The following NODAL variants were observed in gnomAD, a reference collection of about 807,000 sequenced individuals.
The protein encoded by NODAL is nodal homolog.
In NODAL, 12 loss-of-function variants were observed where a neutral mutation model predicts 34.0. The ratio of observed to expected loss-of-function variants is 0.35; its 90% CI spans 0.23 to 0.57. The LOEUF (loss-of-function observed/expected upper bound fraction) is 0.57. NODAL is among the 20% of genes least tolerant of loss of function. The pLI is 0.83. For missense variants in NODAL, 390 were observed against 444.2 expected (o/e 0.88, Z 1.10); for synonymous variants, 162 against 186.4 (o/e 0.87, Z 1.07).
chr10:70,432,624 T>C lies in NODAL; in HGVS notation c.*312A>G, dbSNP rs987085287. ...ATACAGTTTCGGGGGGTTCACAGGT[T>C]TTTAAAAAATCCAGTAAAGAACTCA... is the stretch of plus-strand genomic sequence containing the variant. On this transcript the variant is annotated 3_prime_UTR_variant, in exon 3 of 3. Transcript: ENST00000287139. 1 of 409,726 alleles carries C rather than the reference T, an allele frequency of 2.4e-6. No individual in the cohort carries two copies. The highest frequency in any genetic ancestry group is 4.6e-6 in the Non-Finnish European group (1 of 217,380). 25.4% of individuals were successfully genotyped at this position (409,726 alleles called of 1,614,324 possible). A position where few individuals can be genotyped will look rare whatever the true frequency, so the allele number is the denominator to read the frequency against.
At chr10:70,439,510 A>C (rs917750097) in intron 1 of NODAL, among the ~76,000 whole-genome samples, 3 of 152,096 alleles carry the variant, frequency 2.0e-5, no homozygotes, top group African/African-American at 7.2e-5. Flanking sequence ...AAATCTCCTC[A>C]CTGTTCCTCT....
upstream of NODAL, among the ~76,000 whole-genome samples, chr10:70,443,685 C>CA (rs1156619266): frequency 6.6e-6 from 1 of 151,740 alleles, no homozygotes; most frequent in Non-Finnish European, 1.5e-5. Flanking sequence ...ACCAAAAATA[C>CA]AAAATTAGCT....
intron 1 of NODAL, among the ~76,000 whole-genome samples, chr10:70,438,908 G>A (rs1476848348): frequency 6.6e-6 from 1 of 152,190 alleles, no homozygotes; most frequent in Non-Finnish European, 1.5e-5. Flanking sequence ...GTGATTTTAA[G>A]GTGGGTATGA....
intron 1 of NODAL, among the ~76,000 whole-genome samples, chr10:70,437,051 G>A (rs1227131737): frequency 6.6e-6 from 1 of 152,154 alleles, no homozygotes; most frequent in African/African-American, 2.4e-5. Context: ...AACCCAAGCT[G>A]GATGACAAGG....
chr10:70,446,207 C>A (rs1209592396), upstream of NODAL, among the ~76,000 whole-genome samples: 1 of 152,164 alleles, frequency 6.6e-6, no homozygotes, highest in Non-Finnish European at 1.5e-5. Flanking sequence ...TGGGAGATAA[C>A]CTTTGAGGCC....
chr10:70,432,734 C>A lies in NODAL; in HGVS notation c.*202G>T. On this transcript the variant is annotated 3_prime_UTR_variant, in exon 3 of 3. Transcript: ENST00000287139. ...CTGCACAGGCTTCTTCCTCCCTCTTCCTGACAGCAGCCTCTGTGCTTGGCC... is the reference window on the plus strand; with the variant it reads ...CTGCACAGGCTTCTTCCTCCCTCTTACTGACAGCAGCCTCTGTGCTTGGCC... 3 of 631,132 alleles carry A rather than the reference C, an allele frequency of 4.8e-6. No homozygotes were observed. The highest frequency in any genetic ancestry group is 5.7e-6 in the Non-Finnish European group (2 of 352,740). 39.1% of individuals were successfully genotyped at this position (631,132 alleles called of 1,614,324 possible).
chr10:70,437,602 A>G, intron 1 of NODAL, among the ~76,000 whole-genome samples: 1 of 152,352 alleles, frequency 6.6e-6, no homozygotes, highest in Middle Eastern at 3.4e-3. Flanking sequence ...GGGGTTATTC[A>G]TTAGAAATAA....
At chr10:70,445,780 G>A (rs1326077460), upstream of NODAL, among the ~76,000 whole-genome samples, 1 of 152,116 alleles carries the variant, frequency 6.6e-6, no homozygotes, top group Non-Finnish European at 1.5e-5. Flanking sequence ...ACCCAAACCC[G>A]TTGCTTCCCC....
chr10:70,433,203 A>G, intron 2 of NODAL, 115 bp from the exon 3 acceptor site: 1 of 1,123,032 alleles, frequency 8.9e-7, no homozygotes, highest in Non-Finnish European at 1.3e-6. Flanking sequence ...GAGTGCAAAA[A>G]TAGCAGAAAA....
At chr10:70,444,582 G>A (rs145431044), upstream of NODAL, among the ~76,000 whole-genome samples, 1,148 of 152,114 alleles carry the variant, frequency 7.5e-3, 18 homozygotes, top group African/African-American at 0.026. Flanking sequence ...TGATCTGCCC[G>A]CCTTGGCCTC....
intron 1 of NODAL, among the ~76,000 whole-genome samples, chr10:70,440,955 C>T (rs935585855): frequency 6.6e-6 from 1 of 152,208 alleles, no homozygotes; most frequent in Non-Finnish European, 1.5e-5. Context: ...AAAAAAAAAT[C>T]GCCAAGACCA....
In NODAL at chr10:70,439,366, G is replaced by A. The variant is rs183932642; in HGVS notation, c.193+2109C>T. Reference sequence around the variant, plus strand: ...GGGTTCCCTTCCAGTCACCGACACCGCCGTCCCCAGACAGGGCTGTGAGGC... The same window carrying A: ...GGGTTCCCTTCCAGTCACCGACACCACCGTCCCCAGACAGGGCTGTGAGGC... On this transcript the variant is annotated intron_variant, in intron 1 of 2. Coordinates refer to ENST00000287139, the MANE Select transcript of NODAL (RefSeq NM_018055.5). 1.4e-4 allele frequency among the ~76,000 whole-genome samples: 21 copies of A among 152,224 alleles called. No homozygotes were observed. The East Asian group carries it at 3.1e-3, about 22-fold the overall frequency.
chr10:70,434,024 G>A (rs936359863), intron 2 of NODAL, among the ~76,000 whole-genome samples: 11 of 152,106 alleles, frequency 7.2e-5, no homozygotes, highest in South Asian at 2.1e-4. Flanking sequence ...ATCCTCGGAA[G>A]CTCTAGTACC....
At chr10:70,441,184 A>G (rs528339722) in intron 1 of NODAL, among the ~76,000 whole-genome samples, 2 of 152,378 alleles carry the variant, frequency 1.3e-5, no homozygotes, top group Admixed American at 1.3e-4. Context: ...GCTCCGCGCA[A>G]TCCCAAACCA....
At position 70,441,492 on chromosome 10, in the gene NODAL, C is replaced by A. The variant is rs752031634; in HGVS notation, c.176G>T (p.Arg59Leu). 4.4e-6 allele frequency: 7 copies of A among 1,590,334 alleles called. No homozygotes were observed. In the South Asian group the frequency reaches 6.8e-5, roughly 16 times the overall value. ...CTGCCTACCTTCTGCCTGTAGGCTG[C>A]GGATGATGTCTGCCCTCGGCAGCGG... ...RDPLPRADII[R>L]SLQAEDVAVD... Residue 59 changes from arginine to leucine, a missense_variant, in exon 1 of 3, where the codon CGC becomes CTC. By Grantham distance (102) the Arg-to-Leu change is moderately radical. Transcript: ENST00000287139.
rs1414310438 is a variant in NODAL at position 70,435,660 on chromosome 10, TCTG to T, written c.514_516del (p.Gln172del). 2 of 1,614,080 alleles carry T rather than the reference TCTG, an allele frequency of 1.2e-6. No homozygotes were observed. The highest frequency in any genetic ancestry group is 1.7e-6 in the Non-Finnish European group (2 of 1,179,980). ...CAGCACTCTCCAGCTACCCTGGACATCTGCTTCTCCAGGGCCCCAGGGTGCTTC... is the reference window on the plus strand; with the variant it reads ...CAGCACTCTCCAGCTACCCTGGACATCTTCTCCAGGGCCCCAGGGTGCTTC... On this transcript the variant is annotated inframe_deletion, in exon 2 of 3. Transcript: ENST00000287139.
At chr10:70,438,871 A>G (rs188059030) in intron 1 of NODAL, among the ~76,000 whole-genome samples, 7 of 152,360 alleles carry the variant, frequency 4.6e-5, no homozygotes, top group Non-Finnish European at 8.8e-5. Flanking sequence ...GTTATCAGAA[A>G]GAAACACACA....
chr10:70,440,651 C>T (rs1053440113), intron 1 of NODAL, among the ~76,000 whole-genome samples: 11 of 152,194 alleles, frequency 7.2e-5, no homozygotes, highest in African/African-American at 4.8e-5. Context: ...CCCACCTGCT[C>T]GCCGCGCTGG....
chr10:70,438,801 A>G (rs1282592757), intron 1 of NODAL, among the ~76,000 whole-genome samples: 1 of 152,246 alleles, frequency 6.6e-6, no homozygotes, highest in Non-Finnish European at 1.5e-5. Context: ...TCTCTGGTTC[A>G]TCTTAGAATA....
Sources: gnomAD v4.1 joint callset for allele counts (sites outside exome capture counted in the v4.1 genomes callset) on GRCh38, gnomAD v4.1.1 for gene constraint, MANE v1.5 for transcripts, NCBI Gene and HGNC (gene_info 2026-07-23, HGNC 2026-07-21) for gene names.